The following MALRD1 variants were observed in gnomAD, a reference collection of about 807,000 sequenced individuals.
MALRD1 encodes MAM and LDL receptor class A domain containing 1, also known as MAM and LDL-receptor class A domain-containing protein 1.
Under a neutral mutation model 242.1 loss-of-function variants are expected in MALRD1, and 247 were observed. The ratio of observed to expected loss-of-function variants is 1.02; its 90% CI spans 0.92 to 1.13. The LOEUF (loss-of-function observed/expected upper bound fraction) is 1.13. Among genes scored for constraint, MALRD1 ranks in the 50% most tolerant of loss-of-function variants. MALRD1 has a pLI of 0.00. For synonymous variants in MALRD1, 995 were observed against 866.6 expected, an observed-to-expected ratio of 1.15 and a Z score of -2.60; for missense variants, 2,989 against 2,533.1, an observed-to-expected ratio of 1.18 and a Z score of -3.86.
intron 18 of MALRD1, among the ~76,000 whole-genome samples, chr10:19,255,463 C>G (rs1452709222): frequency 6.6e-6 from 1 of 151,680 alleles, no homozygotes; most frequent in Non-Finnish European, 1.5e-5. Flanking sequence ...AATAATTTAC[C>G]AAGCTTTTTT....
At chr10:19,665,131 G>T (rs527876859) in intron 36 of MALRD1, among the ~76,000 whole-genome samples, 2 of 152,094 alleles carry the variant, frequency 1.3e-5, no homozygotes, top group African/African-American at 4.8e-5. Flanking sequence ...GTTTATTAAC[G>T]CATGTATACA....
intron 2 of MALRD1, among the ~76,000 whole-genome samples, chr10:19,078,975 A>AT (rs1165902115): frequency 6.6e-6 from 1 of 150,944 alleles, no homozygotes; most frequent in Non-Finnish European, 1.5e-5. Context: ...TTGTTTCTTA[A>AT]TTTTTTTATT....
At chr10:19,236,389 A>G (rs1838318350) in intron 18 of MALRD1, among the ~76,000 whole-genome samples, 1 of 152,184 alleles carries the variant, frequency 6.6e-6, no homozygotes, top group Admixed American at 6.5e-5. Flanking sequence ...GTTTATGCCC[A>G]TGGGGCAACC....
At chr10:19,300,471 AC>A (rs1841900876) in intron 21 of MALRD1, among the ~76,000 whole-genome samples, 1 of 151,994 alleles carries the variant, frequency 6.6e-6, no homozygotes, top group Admixed American at 6.6e-5. Flanking sequence ...TTACAAAGCT[AC>A]AGTAACTAAA....
intron 36 of MALRD1, among the ~76,000 whole-genome samples, chr10:19,688,528 T>C (rs1296827884): frequency 6.6e-6 from 1 of 152,186 alleles, no homozygotes; most frequent in African/African-American, 2.4e-5. Context: ...CCCAAAGTGC[T>C]GGAATTACAG....
chr10:19,259,880 T>C (rs1292375671), intron 19 of MALRD1, among the ~76,000 whole-genome samples: 2 of 152,140 alleles, frequency 1.3e-5, no homozygotes, highest in Non-Finnish European at 2.9e-5. Flanking sequence ...CCTGGTGTTA[T>C]TTTTCTCCAC....
At chr10:19,400,529 A>G (rs913126488) in intron 28 of MALRD1, among the ~76,000 whole-genome samples, 4 of 152,206 alleles carry the variant, frequency 2.6e-5, no homozygotes, top group Admixed American at 2.6e-4. Flanking sequence ...TGCCTAGCAC[A>G]TAGTAGGTAT....
intron 18 of MALRD1, among the ~76,000 whole-genome samples, chr10:19,229,815 T>C (rs1837971250): frequency 6.6e-6 from 1 of 152,174 alleles, no homozygotes; most frequent in South Asian, 2.1e-4. Flanking sequence ...TGATGTATTC[T>C]CTAGACTGCT....
intron 35 of MALRD1, among the ~76,000 whole-genome samples, chr10:19,611,295 C>T (rs1838882436): frequency 6.6e-6 from 1 of 152,042 alleles, no homozygotes; most frequent in Admixed American, 6.6e-5. Context: ...TCAATCTTCC[C>T]AGCAAACTAG....
At chr10:19,274,818 G>A (rs1269021251) in intron 19 of MALRD1, among the ~76,000 whole-genome samples, 1 of 152,008 alleles carries the variant, frequency 6.6e-6, no homozygotes, top group Middle Eastern at 3.2e-3. Flanking sequence ...GCCGAGAGCT[G>A]GGGGGAGGCA....
intron 28 of MALRD1, among the ~76,000 whole-genome samples, chr10:19,445,124 A>G (rs1344819054): frequency 6.6e-6 from 1 of 152,084 alleles, no homozygotes; most frequent in Non-Finnish European, 1.5e-5. Context: ...TGCATGTATC[A>G]CATAGCTCTC....
At chr10:19,343,136 A>G (rs1843958790) in intron 24 of MALRD1, among the ~76,000 whole-genome samples, 1 of 152,074 alleles carries the variant, frequency 6.6e-6, no homozygotes, top group South Asian at 2.1e-4. Flanking sequence ...ATTTTGTTTA[A>G]TGTATTTATG....
intron 34 of MALRD1, among the ~76,000 whole-genome samples, chr10:19,605,496 T>C (rs1838570237): frequency 6.7e-6 from 1 of 149,974 alleles, no homozygotes; most frequent in Non-Finnish European, 1.5e-5. Flanking sequence ...TTTTTTTTTT[T>C]TTTTTTTGGT....
chr10:19,718,123 GAA>G (rs1834495108), intron 38 of MALRD1, among the ~76,000 whole-genome samples: 1 of 149,780 alleles, frequency 6.7e-6, no homozygotes, highest in African/African-American at 2.5e-5. Context: ...AGAAGAAGAA[GAA>G]GAGGAAGAAG....
intron 31 of MALRD1, among the ~76,000 whole-genome samples, chr10:19,501,643 T>C (rs779822352): frequency 6.6e-6 from 1 of 152,158 alleles, no homozygotes; most frequent in African/African-American, 2.4e-5. Context: ...ACTGTGAGCA[T>C]GGAGGATAGG....
At chr10:19,125,904 C>A (rs781240203) in intron 7 of MALRD1, among the ~76,000 whole-genome samples, 1 of 152,034 alleles carries the variant, frequency 6.6e-6, no homozygotes, top group African/African-American at 2.4e-5. Flanking sequence ...GTTCCCTTAT[C>A]CCCTTGCAAA....
intron 28 of MALRD1, among the ~76,000 whole-genome samples, chr10:19,413,963 A>C (rs1236832447): frequency 8.1e-6 from 1 of 123,620 alleles, no homozygotes; most frequent in Non-Finnish European, 1.9e-5. Context: ...AAAAACAAAA[A>C]CCAAAAAAAA....
chr10:19,431,090 G>A (rs2496105), intron 28 of MALRD1, among the ~76,000 whole-genome samples: 94,600 of 151,862 alleles, frequency 0.62, 29,650 homozygotes, highest in Middle Eastern at 0.7. Flanking sequence ...AGTTTGCTGT[G>A]CCTATCAACC....
chr10:19,403,337 G>A (rs1195643872), intron 28 of MALRD1, among the ~76,000 whole-genome samples: 1 of 152,144 alleles, frequency 6.6e-6, no homozygotes. Flanking sequence ...TAGACCATAT[G>A]TATTAGGGTT....
Sources: allele counts gnomAD v4.1 joint callset (sites outside exome capture counted in the v4.1 genomes callset), GRCh38; gene constraint gnomAD v4.1.1; transcripts MANE v1.5; gene names NCBI Gene and HGNC (gene_info 2026-07-23, HGNC 2026-07-21).